The following ACTA2 variants were observed in gnomAD, a reference collection of about 807,000 sequenced individuals.
ACTA2 encodes actin, aortic smooth muscle.
In ACTA2, 12 loss-of-function variants were observed where a neutral mutation model predicts 39.5. The observed-to-expected ratio is 0.30, with a 90% CI of 0.19 to 0.49. ACTA2 has a LOEUF of 0.49. ACTA2 is among the 20% of genes least tolerant of loss of function. The pLI is 0.99. For synonymous variants in ACTA2, 158 were observed against 180.6 expected, an observed-to-expected ratio of 0.88 and a Z score of 1.00; for missense variants, 236 against 498.8, an observed-to-expected ratio of 0.47 and a Z score of 5.02.
At chr10:88,991,031 G>C in exon 1 of ACTA2, 1 of 1,295,940 alleles carries the variant, frequency 7.7e-7, no homozygotes. Context: ...CCTGGGAGCG[G>C]CGGGCTGCTG....
chr10:88,967,731 A>T (rs891839835), intron 1 of ACTA2, among the ~76,000 whole-genome samples: 4 of 152,210 alleles, frequency 2.6e-5, no homozygotes, highest in Non-Finnish European at 5.9e-5. Context: ...AGACCAATAC[A>T]AGGAAAATGG....
At chr10:88,956,444 G>T (rs1190142630), upstream of ACTA2, among the ~76,000 whole-genome samples, 1 of 152,096 alleles carries the variant, frequency 6.6e-6, no homozygotes, top group Non-Finnish European at 1.5e-5. Flanking sequence ...AAGGACCTTC[G>T]TGAATATATT....
At chr10:88,957,672 C>T (rs183221459), upstream of ACTA2, among the ~76,000 whole-genome samples, 7 of 152,314 alleles carry the variant, frequency 4.6e-5, no homozygotes, top group African/African-American at 1.7e-4. Flanking sequence ...TTGTACTCCT[C>T]TAACTCCTTT....
intron 1 of ACTA2, among the ~76,000 whole-genome samples, chr10:88,960,875 A>G (rs192504923): frequency 6.6e-6 from 1 of 152,218 alleles, no homozygotes; most frequent in Non-Finnish European, 1.5e-5. Context: ...CTTATAAGCC[A>G]CAGAAAGTCT....
rs1253704403 is a variant in ACTA2, at chr10:88,941,350, G to A, written c.495C>T (p.Val165=). The change falls in exon 6 of 9, where the codon GTC becomes GTT. Residue 165 remains valine (V), a synonymous_variant. Transcript: ENST00000224784. ...GCAAGGCATAGCCCTCATAGATGGGGACATTGTGGGTGACACCATCTCCAG... is the reference window on the plus strand; with the variant it reads ...GCAAGGCATAGCCCTCATAGATGGGAACATTGTGGGTGACACCATCTCCAG... ...LDSGDGVTHN[V]PIYEGYALPH... 2 of 1,613,810 alleles carry A rather than the reference G, an allele frequency of 1.2e-6. No homozygotes were observed. Among genetic ancestry groups the A allele is most frequent in the South Asian group, 1.1e-5 (1 of 91,084 alleles).
chr10:88,957,133 A>G (rs1022530474), upstream of ACTA2, among the ~76,000 whole-genome samples: 2 of 152,214 alleles, frequency 1.3e-5, no homozygotes, highest in African/African-American at 4.8e-5. Context: ...AAGGGATCAG[A>G]AAACTGTAAA....
chr10:88,978,525 A>T (rs796308616), intron 1 of ACTA2, among the ~76,000 whole-genome samples: 5 of 152,272 alleles, frequency 3.3e-5, no homozygotes, highest in African/African-American at 1.2e-4. Context: ...GCCTTTCATC[A>T]CCCCTGCTCT....
chr10:88,986,944 A>G (rs886842749), intron 1 of ACTA2, among the ~76,000 whole-genome samples: 2 of 152,226 alleles, frequency 1.3e-5, no homozygotes, highest in Non-Finnish European at 2.9e-5. Flanking sequence ...TGATTTGCAT[A>G]TGTCATTTCT....
Position 88,969,302 on chromosome 10 carries a change from CA to C in ACTA2, c.-23-20350del, listed in dbSNP as rs947114557. 5.3e-5 allele frequency among the ~76,000 whole-genome samples: 8 copies of C among 151,526 alleles called. No individual in the cohort carries two copies. In the South Asian group the frequency reaches 1.5e-3, roughly 28 times the overall value. On this transcript the variant is annotated intron_variant, in intron 1 of 4. Transcript: ENST00000415557. The stretch of plus-strand genomic sequence containing the variant: ...AAGCTCTTTAGTGTCAATTTTCCAT[CA>C]AAAAAAAATCTTTGGAAGAAGTGAG...
At chr10:88,982,162 C>T (rs1226892706) in intron 1 of ACTA2, among the ~76,000 whole-genome samples, 2 of 152,206 alleles carry the variant, frequency 1.3e-5, no homozygotes, top group East Asian at 1.9e-4. Context: ...CTGCAAGATC[C>T]TCAAGTGCTT....
chr10:88,938,586 C>T (rs1433919227), intron 7 of ACTA2: 1 of 307,418 alleles, frequency 3.3e-6, no homozygotes, highest in African/African-American at 2.1e-5. Context: ...GTTGCAACAA[C>T]TCTTCAGAGC....
intron 1 of ACTA2, among the ~76,000 whole-genome samples, chr10:88,971,465 G>C (rs976176393): frequency 6.6e-6 from 1 of 152,120 alleles, no homozygotes; most frequent in African/African-American, 2.4e-5. Flanking sequence ...TGAGTGTTTG[G>C]GTAAACAGAA....
intron 6 of ACTA2, chr10:88,940,403 A>G (rs1845826946): frequency 1.3e-5 from 2 of 155,944 alleles, no homozygotes; most frequent in Admixed American, 6.2e-5. Context: ...TAGGGAGCAG[A>G]GGAGGAATGC....
At chr10:88,991,259 T>C in exon 1 of ACTA2, 1 of 460,262 alleles carries the variant, frequency 2.2e-6, no homozygotes, top group African/African-American at 2.0e-5. Context: ...TCTGGGAAGC[T>C]TTAGGGTCGC....
At chr10:88,973,297 C>G (rs1173336735) in intron 1 of ACTA2, 3 of 1,611,242 alleles carry the variant, frequency 1.9e-6, no homozygotes, top group Non-Finnish European at 2.5e-6. Flanking sequence ...TCATCATCAC[C>G]ATCTGAACAG....
At chr10:88,981,152 G>A (rs1280289689) in intron 1 of ACTA2, among the ~76,000 whole-genome samples, 1 of 152,176 alleles carries the variant, frequency 6.6e-6, no homozygotes, top group Non-Finnish European at 1.5e-5. Flanking sequence ...TGTTCAGTGT[G>A]GAGCCTCCAG....
chr10:88,967,938 T>A (rs1314397270), intron 1 of ACTA2, among the ~76,000 whole-genome samples: 1 of 152,222 alleles, frequency 6.6e-6, no homozygotes, highest in Non-Finnish European at 1.5e-5. Context: ...GTTAGTATGA[T>A]TATCATACTT....
At chr10:88,979,483 G>A (rs1312083405) in intron 1 of ACTA2, among the ~76,000 whole-genome samples, 1 of 152,138 alleles carries the variant, frequency 6.6e-6, no homozygotes, top group Non-Finnish European at 1.5e-5. Flanking sequence ...TACTCATCTT[G>A]GGATGATTTT....
chr10:88,984,340 A>G (rs1244002442), intron 1 of ACTA2, among the ~76,000 whole-genome samples: 1 of 152,042 alleles, frequency 6.6e-6, no homozygotes, highest in Non-Finnish European at 1.5e-5. Context: ...TTATGGTCCC[A>G]GAGGTCTCTC....
Sources: gnomAD v4.1 joint callset for allele counts (sites outside exome capture counted in the v4.1 genomes callset) on GRCh38, gnomAD v4.1.1 for gene constraint, MANE v1.5 for transcripts, NCBI Gene and HGNC (gene_info 2026-07-23, HGNC 2026-07-21) for gene names.